Variants in ANK1 observed in about 807,000 individuals in gnomAD.
ANK1 encodes ankyrin-1.
Under a neutral mutation model 210.4 loss-of-function variants are expected in ANK1, and 51 were observed. That is an observed-to-expected ratio of 0.24 (90% CI 0.19 to 0.31). ANK1 has a LOEUF of 0.31. ANK1 is among the 10% of genes least tolerant of loss of function. The pLI, the probability that ANK1 is intolerant of heterozygous loss-of-function variation, is 1.00. For missense variants in ANK1, 2,051 were observed against 2,504.4 expected, an observed-to-expected ratio of 0.82 and a Z score of 3.86; for synonymous variants, 967 against 1,025.9, an observed-to-expected ratio of 0.94 and a Z score of 1.10.
intron 2 of ANK1, among the ~76,000 whole-genome samples, chr8:41,737,568 G>T (rs937512317): frequency 1.3e-5 from 2 of 152,130 alleles, no homozygotes; most frequent in African/African-American, 4.8e-5. Flanking sequence ...CCTGCCTCTC[G>T]CGGAGCTGCA....
chr8:41,768,764 C>A (rs1489366961), intron 1 of ANK1, among the ~76,000 whole-genome samples: 2 of 149,704 alleles, frequency 1.3e-5, no homozygotes, highest in African/African-American at 4.9e-5. Context: ...GAGTTCAAGA[C>A]CAGCTTGGGC....
Position 41,655,582 on chromosome 8 carries a change from G to C in ANK1, c.*208C>G. 2 of 961,238 alleles carry C rather than the reference G, an allele frequency of 2.1e-6. No homozygotes were observed. The highest frequency in any genetic ancestry group is 4.0e-5 in the Admixed American group (2 of 49,760). The allele number at this position is 961,238 out of a possible 1,614,324, so 59.5% of individuals were successfully genotyped here. On this transcript the variant is annotated 3_prime_UTR_variant, in exon 43 of 43. Transcript: ENST00000289734. ...CAGGATTGAAGCCTGGAGGTCATGC[G>C]TCTACAGTCAGTCATTCATGCCAAG... is the stretch of plus-strand genomic sequence containing the variant.
chr8:41,810,599 G>A (rs891561419), intron 1 of ANK1, among the ~76,000 whole-genome samples: 1 of 152,242 alleles, frequency 6.6e-6, no homozygotes, highest in African/African-American at 2.4e-5. Context: ...CACAGGAGCA[G>A]AGCATCTCTG....
At chr8:41,730,380 G>C (rs1354853155) in intron 3 of ANK1, among the ~76,000 whole-genome samples, 1 of 152,148 alleles carries the variant, frequency 6.6e-6, no homozygotes, top group Non-Finnish European at 1.5e-5. Context: ...CAAGGCGGGA[G>C]GATTGCTTGA....
intron 42 of ANK1, among the ~76,000 whole-genome samples, chr8:41,656,322 A>G (rs1805706934): frequency 6.6e-6 from 1 of 152,232 alleles, no homozygotes; most frequent in Non-Finnish European, 1.5e-5. Context: ...TCATGCCTCA[A>G]GGGTGACAGC....
At chr8:41,757,925 T>C (rs1586742509) in intron 2 of ANK1, 111 bp downstream of exon 2, 11 of 1,020,218 alleles carry the variant, frequency 1.1e-5, no homozygotes, top group Non-Finnish European at 1.1e-5. Context: ...CCTGGGGGAG[T>C]TTTGAGGCCA....
Position 41,724,463 on chromosome 8 carries a change from G to T in ANK1, c.704C>A (p.Thr235Lys), listed in dbSNP as rs778503475. The change falls in exon 7 of 43, where the codon ACA (threonine) becomes AAA (lysine). Residue 235 changes from threonine (T) to lysine (K), a missense_variant. Physicochemically the swap from Thr to Lys is moderately conservative, Grantham distance 78. Transcript: ENST00000289734. The stretch of plus-strand genomic sequence containing the variant: ...CACGTGCCCCAGGGTTACCTGTGGT[G>T]TGAAATTGACGCTGGCTCCTCTGTT... ...LLNRGASVNF[T>K]PQNGITPLHI... 1.3e-6 allele frequency: 2 copies of T among 1,581,812 alleles called. No individual in the cohort carries two copies. The highest frequency in any genetic ancestry group is 1.7e-6 in the Non-Finnish European group (2 of 1,163,704).
intron 1 of ANK1, among the ~76,000 whole-genome samples, chr8:41,775,439 A>G (rs1212981336): frequency 2.0e-5 from 3 of 152,236 alleles, no homozygotes; most frequent in Non-Finnish European, 4.4e-5. Flanking sequence ...CTTCCCTTAC[A>G]TGGAGAAGGT....
At chr8:41,660,594 G>A in intron 42 of ANK1, 1 of 444,474 alleles carries the variant, frequency 2.2e-6, no homozygotes. Flanking sequence ...GCGTCTTCAT[G>A]TCCCTTCCTC....
At chr8:41,835,202 C>T (rs932413221) in intron 1 of ANK1, among the ~76,000 whole-genome samples, 12 of 152,202 alleles carry the variant, frequency 7.9e-5, no homozygotes, top group Non-Finnish European at 1.3e-4. Context: ...CCTGTAATCC[C>T]AACACTTTGG....
intron 10 of ANK1, 124 bp from the exon 11 acceptor site, chr8:41,718,328 G>A (rs1283265060): frequency 1.3e-5 from 11 of 820,670 alleles, no homozygotes; most frequent in Non-Finnish European, 2.3e-5. Context: ...GATGCCCATA[G>A]ACCAATCAAC....
chr8:41,872,782 C>CT (rs1454790795), intron 1 of ANK1, among the ~76,000 whole-genome samples: 1 of 152,172 alleles, frequency 6.6e-6, no homozygotes, highest in Non-Finnish European at 1.5e-5. Flanking sequence ...AGGTCTCTCC[C>CT]TGGAGTGACC....
chr8:41,793,694 G>A (rs1364636129), intron 1 of ANK1, among the ~76,000 whole-genome samples: 1 of 152,180 alleles, frequency 6.6e-6, no homozygotes, highest in Non-Finnish European at 1.5e-5. Flanking sequence ...TCATGCTCCA[G>A]AACCTTGTTC....
At chr8:41,705,249 C>T (rs1458200378) in intron 18 of ANK1, among the ~76,000 whole-genome samples, 1 of 152,212 alleles carries the variant, frequency 6.6e-6, no homozygotes, top group Non-Finnish European at 1.5e-5. Flanking sequence ...CACCCAAGCA[C>T]AGATCCTCCC....
At chr8:41,862,021 C>T (rs1813360934) in intron 1 of ANK1, among the ~76,000 whole-genome samples, 1 of 152,198 alleles carries the variant, frequency 6.6e-6, no homozygotes, top group African/African-American at 2.4e-5. Flanking sequence ...ACAAATAGCA[C>T]CAGGCCCTGC....
At chr8:41,813,522 G>A (rs2150784762) in intron 1 of ANK1, among the ~76,000 whole-genome samples, 1 of 152,256 alleles carries the variant, frequency 6.6e-6, no homozygotes, top group South Asian at 2.1e-4. Flanking sequence ...TTTTACCAAA[G>A]GTAATTACAG....
In ANK1 at chr8:41,672,676, C is replaced by A; in HGVS notation, c.4774G>T (p.Asp1592Tyr). The A allele has an allele frequency of 6.2e-7, 1 of 1,614,192 alleles. No individual in the cohort carries two copies. Among genetic ancestry groups the A allele is most frequent in the Non-Finnish European group, 8.5e-7 (1 of 1,180,012 alleles). ...CACTCGTGACCTGTGGCATCAGAGT[C>A]CTCAGCCTTGCTACACTCCAGAGAG... Reference protein sequence around the residue: ...DSSLECSKAEDSDATGHEWKL... With the variant: ...DSSLECSKAEYSDATGHEWKL... The change falls in exon 38 of 43, where the codon GAC becomes TAC. Residue 1592 changes from aspartate to tyrosine, a missense_variant. Asp to Tyr is a radical substitution (Grantham distance 160, BLOSUM62 -3). This residue lies in a region of ANK1 where 496 missense variants were observed against 533.4 expected (regional missense o/e 0.93). Transcript: ENST00000289734.
intron 20 of ANK1, among the ~76,000 whole-genome samples, chr8:41,703,424 A>ATG (rs1563491281): frequency 1.1e-4 from 5 of 47,282 alleles, no homozygotes; most frequent in African/African-American, 3.8e-4. Context: ...GTGTGTGTGT[A>ATG]TATATATATA....
intron 1 of ANK1, among the ~76,000 whole-genome samples, chr8:41,789,986 C>T (rs1020789773): frequency 3.9e-5 from 6 of 152,116 alleles, no homozygotes; most frequent in African/African-American, 1.4e-4. Context: ...CCTGTCGCCA[C>T]CTGGATGACA....
Sources: gnomAD v4.1 joint callset for allele counts (sites outside exome capture counted in the v4.1 genomes callset) on GRCh38, gnomAD v4.1.1 for gene constraint, gnomAD v4.1.1 regional missense constraint, MANE v1.5 for transcripts, NCBI Gene and HGNC (gene_info 2026-07-23, HGNC 2026-07-21) for gene names.